Variants in ZBED6 observed in about 807,000 individuals in gnomAD.
The protein encoded by ZBED6 is zinc finger BED domain-containing protein 6.
ZBED6 carries 40 observed loss-of-function variants against 58.4 expected under a neutral mutation model. The ratio of observed to expected loss-of-function variants is 0.68; its 90% confidence interval spans 0.53 to 0.89. ZBED6 has a LOEUF of 0.89. Among genes scored for constraint, ZBED6 ranks in the 40% least tolerant of loss-of-function variants. ZBED6 has a pLI of 0.00. For synonymous variants in ZBED6, 439 were observed against 350.6 expected (o/e 1.25, Z -2.82); for missense variants, 1,057 against 1,003.9 (o/e 1.05, Z -0.71).
exon 17 of ZBED6, chr1:203,853,020 G>T (rs1168115728): frequency 1.3e-5 from 2 of 152,592 alleles, no homozygotes; most frequent in East Asian, 3.8e-4. Context: ...CCTCTGAAGA[G>T]CAATATCTAA....
At chr1:203,851,566 G>A (rs905580848) in intron 16 of ZBED6, among the ~76,000 whole-genome samples, 3 of 152,170 alleles carry the variant, frequency 2.0e-5, no homozygotes, top group African/African-American at 7.2e-5. Context: ...CTGACGTCAA[G>A]TGATCCACCT....
At chr1:203,846,003 A>G (rs1687786285) in intron 11 of ZBED6, among the ~76,000 whole-genome samples, 1 of 147,764 alleles carries the variant, frequency 6.8e-6, no homozygotes, top group Non-Finnish European at 1.5e-5. Flanking sequence ...CAGACTGGGT[A>G]TGGTGGCTCA....
chr1:203,797,155 C>T lies in ZBED6; in HGVS notation c.-368C>T. 1 of 162,348 alleles carries T rather than the reference C, an allele frequency of 6.2e-6. No individual in the cohort carries two copies. The highest frequency in any genetic ancestry group is 1.3e-5 in the Non-Finnish European group (1 of 75,236). 10.1% of individuals were successfully genotyped at this position (162,348 alleles called of 1,614,324 possible). On this transcript the variant is annotated 5_prime_UTR_variant, in exon 1 of 17. The change creates a premature stop within an existing upstream ORF in the 5' untranslated region. Transcript: ENST00000550078. ...CAAGTAGATATAGTTCTTGATGAAG[C>T]AGGAAGAACATGGATCTGGGATTTG...
At chr1:203,831,737 T>G (rs757104376) in exon 8 of ZBED6, 3 of 1,612,756 alleles carry the variant, frequency 1.9e-6, no homozygotes, top group Non-Finnish European at 1.7e-6. Flanking sequence ...ATGTCAGGAC[T>G]GTGGTGAGGA....
At chr1:203,802,714 C>CTTTTTTTTTTTTTTTT (rs150416242) in exon 1 of ZBED6, 7 of 131,676 alleles carry the variant, frequency 5.3e-5, no homozygotes, top group Admixed American at 7.9e-5. Context: ...TAAATGAACT[C>CTTTTTTTTTTTTTTTT]TTTTTTTTTG....
At chr1:203,845,941 G>GTA (rs1034458774) in intron 11 of ZBED6, among the ~76,000 whole-genome samples, 7 of 151,932 alleles carry the variant, frequency 4.6e-5, no homozygotes, top group African/African-American at 1.7e-4. Flanking sequence ...AGAGGGAATA[G>GTA]TATACTCAGG....
intron 9 of ZBED6, among the ~76,000 whole-genome samples, 175 bp from the exon 10 acceptor site, chr1:203,837,791 T>C (rs1684845602): frequency 6.6e-6 from 1 of 152,200 alleles, no homozygotes. Flanking sequence ...CTTACCTCTT[T>C]TCTCCGACAT....
chr1:203,820,794 A>G (rs1434078239), intron 3 of ZBED6, among the ~76,000 whole-genome samples: 1 of 152,040 alleles, frequency 6.6e-6, no homozygotes, highest in Non-Finnish European at 1.5e-5. Flanking sequence ...TTTTTGTTGC[A>G]TATCATCCCG....
chr1:203,802,231 C>T (rs1389878620), exon 1 of ZBED6: 2 of 152,560 alleles, frequency 1.3e-5, no homozygotes, highest in African/African-American at 4.8e-5. Context: ...CCATATTATA[C>T]ATAATGATAT....
At chr1:203,831,044 A>G (rs1282092249) in intron 7 of ZBED6, among the ~76,000 whole-genome samples, 1 of 143,616 alleles carries the variant, frequency 7.0e-6, no homozygotes, top group African/African-American at 2.6e-5. Context: ...CTCCCAGTTC[A>G]AGCTATTCTG....
intron 13 of ZBED6, among the ~76,000 whole-genome samples, chr1:203,849,029 C>T (rs1353642424): frequency 3.3e-5 from 5 of 152,164 alleles, no homozygotes; most frequent in Admixed American, 6.5e-5. Flanking sequence ...GGATCAAAGG[C>T]ATGCACCACC....
chr1:203,796,568 G>A (rs1360501814), exon 1 of ZBED6: 2 of 398,288 alleles, frequency 5.0e-6, no homozygotes, highest in Non-Finnish European at 8.9e-6. Context: ...TTGAGAAAGA[G>A]GCTGTGGAAC....
chr1:203,828,246 GA>G, intron 3 of ZBED6, 52 bp from the exon 4 acceptor site: 1 of 1,607,482 alleles, frequency 6.2e-7, no homozygotes, highest in Non-Finnish European at 8.5e-7. Flanking sequence ...ACTGCCACAT[GA>G]ATATACGTAT....
chr1:203,796,798 A>G lies in ZBED6; in HGVS notation c.-725A>G, dbSNP rs1668663417. On this transcript the variant is annotated 5_prime_UTR_variant, in exon 1 of 17. An upstream start codon of the reference 5' UTR is lost. Coordinates refer to ENST00000550078, the Ensembl canonical transcript of ZBED6. ...TCTTAATACAAACAGTACTTTGAAAATGCAGCATTTAACCTTGTTTTAAAA... is the reference window on the plus strand; with the variant it reads ...TCTTAATACAAACAGTACTTTGAAAGTGCAGCATTTAACCTTGTTTTAAAA... The G allele has an allele frequency of 4.7e-6, 1 of 213,634 alleles. No individual in the cohort carries two copies. Among genetic ancestry groups the G allele is most frequent in the Non-Finnish European group, 9.2e-6 (1 of 108,946 alleles). 13.2% of individuals were successfully genotyped at this position (213,634 alleles called of 1,614,324 possible).
chr1:203,825,708 A>G (rs1324788118), intron 3 of ZBED6, among the ~76,000 whole-genome samples: 5 of 152,136 alleles, frequency 3.3e-5, no homozygotes, highest in Non-Finnish European at 7.4e-5. Context: ...TACAGGCGTG[A>G]GCCACCACGC....
In ZBED6 at chr1:203,831,163, C is replaced by G. The variant is rs529093669; in HGVS notation, c.*3400-498C>G. Among the ~76,000 whole-genome samples the G allele has an allele frequency of 7.2e-5, 11 of 151,820 alleles. No individual in the cohort carries two copies. In the South Asian group the frequency reaches 2.3e-3, roughly 32 times the overall value. ...TTCTCCATGTTGGTTGGGCTGGTCT[C>G]GAACTCCCAACCTCAGGTAATCCAC... On this transcript the variant is annotated intron_variant, in intron 7 of 16. Transcript: ENST00000550078.
chr1:203,804,826 C>G (rs1270484202), intron 1 of ZBED6, among the ~76,000 whole-genome samples: 1 of 151,924 alleles, frequency 6.6e-6, no homozygotes, highest in African/African-American at 2.4e-5. Context: ...GCGCATGCCA[C>G]CATGCCCGGC....
At chr1:203,850,945 C>G (rs1208762895) in intron 15 of ZBED6, 112 bp from the exon 16 acceptor site, 2 of 1,318,784 alleles carry the variant, frequency 1.5e-6, no homozygotes, top group African/African-American at 3.0e-5. Flanking sequence ...TTCTTAGATT[C>G]ACAGGCTTAA....
At chr1:203,814,251 C>T (rs1440810291) in intron 1 of ZBED6, among the ~76,000 whole-genome samples, 3 of 152,268 alleles carry the variant, frequency 2.0e-5, no homozygotes, top group Middle Eastern at 3.4e-3. Flanking sequence ...TCCGGCCAGG[C>T]GCTGGCTCAC....
Sources: allele counts gnomAD v4.1 joint callset (sites outside exome capture counted in the v4.1 genomes callset), GRCh38; gene constraint gnomAD v4.1.1; transcripts MANE v1.5; gene names NCBI Gene and HGNC (gene_info 2026-07-23, HGNC 2026-07-21).